GLB1L2: variants seen among roughly 807,000 people sequenced by gnomAD.
The protein encoded by GLB1L2 is beta-galactosidase-1-like protein 2.
In GLB1L2, 68 loss-of-function variants were observed where a neutral mutation model predicts 84.1. The observed-to-expected ratio is 0.81, with a 90% CI of 0.67 to 0.99. The LOEUF (loss-of-function observed/expected upper bound fraction) is 0.99. GLB1L2 is among the 50% of genes least tolerant of loss of function. GLB1L2 has a pLI of 0.00. For missense variants in GLB1L2, 762 were observed against 805.6 expected (o/e 0.95, Z 0.66); for synonymous variants, 290 against 318.0 (o/e 0.91, Z 0.94).
rs922288006 is a variant in GLB1L2 at position 134,370,119 on chromosome 11, C to T, written c.1109-174C>T. On this transcript the variant is annotated intron_variant, in intron 11 of 18. Coordinates refer to ENST00000535456, the MANE Select transcript of GLB1L2 (RefSeq NM_001370461.1). The surrounding 1 kb of genome is among the most constrained non-coding windows in gnomAD (Gnocchi z 4.7). ...AGGACGGGAGAACGCCCTGGCTTTC[C>T]CCCAGGCCTGGCCTTCCTCCCTGGC... is the stretch of plus-strand genomic sequence containing the variant. Among the ~76,000 whole-genome samples the T allele has an allele frequency of 3.3e-5, 5 of 152,118 alleles. No homozygotes were observed. Among genetic ancestry groups the T allele is most frequent in the African/African-American group, 1.2e-4 (5 of 41,422 alleles).
At position 134,359,122 on chromosome 11, in the gene GLB1L2, C is replaced by G. The variant is rs1280012235; in HGVS notation, c.714C>G (p.Ser238Arg). Reference sequence around the variant, plus strand: ...CTTCAGACAACAAGGATGGGCTGAGCAAGGGGATTGTCCAGGGAGGTAACT... The same window carrying G: ...CTTCAGACAACAAGGATGGGCTGAGGAAGGGGATTGTCCAGGGAGGTAACT... The part of the protein sequence containing the change: ...LLTSDNKDGL[S>R]KGIVQGVLAT... Residue 238 changes from serine to arginine, a missense_variant, in exon 7 of 19, where the codon AGC becomes AGG. By Grantham distance (110) the Ser-to-Arg change is moderately radical. This residue lies in a region of GLB1L2 where 603 missense variants were observed against 611.7 expected (regional missense o/e 0.99). Coordinates refer to ENST00000535456, the MANE Select transcript of GLB1L2 (RefSeq NM_001370461.1). The G allele has an allele frequency of 4.4e-6, 7 of 1,604,186 alleles. No individual in the cohort carries two copies. Among genetic ancestry groups the G allele is most frequent in the Non-Finnish European group, 6.0e-6 (7 of 1,175,152 alleles).
chr11:134,371,443 T>C lies in GLB1L2; in HGVS notation c.1379T>C (p.Ile460Thr), dbSNP rs191108994. 97 of 1,597,574 alleles carry C rather than the reference T, an allele frequency of 6.1e-5. No homozygotes were observed. The East Asian group carries it at 1.8e-3, about 30-fold the overall frequency. The change falls in exon 14 of 19, where the codon ATA (isoleucine) becomes ACA (threonine). Residue 460 changes from isoleucine (I) to threonine (T), a missense_variant. Physicochemically the swap from Ile to Thr is moderately conservative, Grantham distance 89. Coordinates refer to ENST00000535456, the MANE Select transcript of GLB1L2 (RefSeq NM_001370461.1). ...RGQVFVNTVS[I>T]GFLDYKTTKI... ...CAGGTGTTTGTGAACACAGTATCCA[T>C]AGGATTCTTGGACTACAAGACAACG...
chr11:134,343,934 C>T (rs560189464), intron 2 of GLB1L2, among the ~76,000 whole-genome samples: 23 of 152,344 alleles, frequency 1.5e-4, no homozygotes, highest in East Asian at 5.8e-4. Flanking sequence ...TTCCGCCTCT[C>T]GAGTTGAGCC....
chr11:134,341,281 G>A (rs533528823), intron 1 of GLB1L2, among the ~76,000 whole-genome samples: 2 of 152,210 alleles, frequency 1.3e-5, no homozygotes, highest in East Asian at 1.9e-4. Context: ...GCATTTCTCC[G>A]GGACCCTCAC....
At chr11:134,369,594 T>C (rs1307321859) in intron 10 of GLB1L2, among the ~76,000 whole-genome samples, 5 of 152,210 alleles carry the variant, frequency 3.3e-5, no homozygotes, top group Admixed American at 6.5e-5. Context: ...GGATTGCAGG[T>C]GTGAGCCGCT....
At chr11:134,365,326 C>G (rs4936230) in intron 8 of GLB1L2, among the ~76,000 whole-genome samples, 105,394 of 152,156 alleles carry the variant, frequency 0.69, 36,866 homozygotes, top group East Asian at 0.92. Flanking sequence ...GCTCCTGTGA[C>G]GCAGATCAGG....
At chr11:134,349,242 G>A (rs1003123464) in intron 5 of GLB1L2, among the ~76,000 whole-genome samples, 5 of 152,120 alleles carry the variant, frequency 3.3e-5, no homozygotes, top group African/African-American at 1.2e-4. Flanking sequence ...CGCCCTCAAG[G>A]TTCATCTGTG....
intron 1 of GLB1L2, among the ~76,000 whole-genome samples, chr11:134,341,417 A>G (rs1219948927): frequency 6.6e-6 from 1 of 152,136 alleles, no homozygotes; most frequent in African/African-American, 2.4e-5. Context: ...CAGGATTCAC[A>G]TCCGGATCTT....
chr11:134,345,563 C>T (rs761970390), intron 4 of GLB1L2, among the ~76,000 whole-genome samples: 3 of 152,184 alleles, frequency 2.0e-5, no homozygotes, highest in South Asian at 4.1e-4. Flanking sequence ...CTCCGCCTCC[C>T]GGGTTCAAGC....
intron 15 of GLB1L2, among the ~76,000 whole-genome samples, 179 bp from the exon 16 acceptor site, chr11:134,373,542 T>C (rs544351440): frequency 3.3e-5 from 5 of 152,256 alleles, no homozygotes; most frequent in African/African-American, 9.6e-5. Flanking sequence ...GGAGCTTTGC[T>C]TGCAAGCGAA....
intron 16 of GLB1L2, 108 bp downstream of exon 16, chr11:134,373,916 G>C (rs909072047): frequency 1.2e-6 from 1 of 844,194 alleles, no homozygotes; most frequent in Non-Finnish European, 1.9e-6. Context: ...AGGTGTGAAC[G>C]CCTCCAGGGG....
Position 134,370,842 on chromosome 11 carries a change from C to G in GLB1L2, c.1216-166C>G, listed in dbSNP as rs535891100. ...GTGCACACCCCTTTGCCCCACTCCT[C>G]TTCCCCGTCACCCTGGAGAGTTGTA... On this transcript the variant is annotated intron_variant, in intron 12 of 18. Coordinates refer to ENST00000535456, the MANE Select transcript of GLB1L2 (RefSeq NM_001370461.1). This position sits in a 1 kb window ranked among gnomAD's most constrained non-coding sequence, Gnocchi z 4.7. Among the ~76,000 whole-genome samples the G allele has an allele frequency of 6.6e-6, 1 of 152,284 alleles. No homozygotes were observed. The highest frequency in any genetic ancestry group is 2.1e-4 in the South Asian group (1 of 4,830).
At chr11:134,342,646 A>G (rs778535807) in intron 1 of GLB1L2, 108 bp from the exon 2 acceptor site, 1 of 1,116,748 alleles carries the variant, frequency 9.0e-7, no homozygotes, top group Non-Finnish European at 1.3e-6. Context: ...AGCCACCTGG[A>G]CGCAGGCGCC....
Position 134,370,503 on chromosome 11 carries a change from C to A in GLB1L2, c.1215+104C>A. ...GTCGTCGGCGGGAGGTGAGAGTCGT[C>A]GGGGCAGCAGGGCCTGGAGCCCCTC... is the stretch of plus-strand genomic sequence containing the variant. On this transcript the variant is annotated intron_variant, in intron 12 of 18. Transcript: ENST00000535456. The surrounding 1 kb of genome is among the most constrained non-coding windows in gnomAD (Gnocchi z 4.7). 1 of 869,156 alleles carries A rather than the reference C, an allele frequency of 1.2e-6. No individual in the cohort carries two copies. Among genetic ancestry groups the A allele is most frequent in the South Asian group, 1.4e-5 (1 of 69,482 alleles). 53.8% of individuals were successfully genotyped at this position (869,156 alleles called of 1,614,324 possible). A position where few individuals can be genotyped will look rare whatever the true frequency, so the allele number is the denominator to read the frequency against.
chr11:134,336,976 AC>A (rs1295526923), intron 1 of GLB1L2, among the ~76,000 whole-genome samples: 3 of 152,102 alleles, frequency 2.0e-5, no homozygotes, highest in African/African-American at 2.4e-5. Flanking sequence ...ATGTTAGAAC[AC>A]TTTTTGTTGT....
chr11:134,351,653 T>C (rs541307820), intron 5 of GLB1L2, among the ~76,000 whole-genome samples: 145 of 152,338 alleles, frequency 9.5e-4, no homozygotes, highest in African/African-American at 3.5e-3. Flanking sequence ...CCTACATTGA[T>C]TGCTTTTCAC....
At chr11:134,369,978 A>T in intron 11 of GLB1L2, 93 bp downstream of exon 11, 2 of 1,037,566 alleles carry the variant, frequency 1.9e-6, no homozygotes, top group Non-Finnish European at 3.0e-6. Flanking sequence ...TCCCACCTCG[A>T]CCCCAGTTGA....
chr11:134,356,297 G>A lies in GLB1L2; in HGVS notation c.559-4G>A, dbSNP rs368050860. 2.3e-5 allele frequency: 37 copies of A among 1,612,976 alleles called. No homozygotes were observed. The East Asian group carries it at 2.5e-4, about 11-fold the overall frequency. ...GCTCCTGGTTTTCTGTCTTTTCTCC[G>A]CAGTACAAGCGTGGGGGACCTATCA... On this transcript the variant is annotated splice_region_variant and splice_polypyrimidine_tract_variant and intron_variant, in intron 5 of 18. Transcript: ENST00000535456.
chr11:134,359,412 C>T (rs551439208), intron 7 of GLB1L2: 36 of 318,984 alleles, frequency 1.1e-4, no homozygotes, highest in African/African-American at 3.9e-4. Flanking sequence ...GCTTCACGTG[C>T]GGGCTTCCTG....
Sources: allele counts gnomAD v4.1 joint callset (sites outside exome capture counted in the v4.1 genomes callset), GRCh38; gene constraint gnomAD v4.1.1; regional missense constraint gnomAD v4.1.1; non-coding constraint Gnocchi (gnomAD v3.1); transcripts MANE v1.5; gene names NCBI Gene and HGNC (gene_info 2026-07-23, HGNC 2026-07-21).